Variants in TMEM51 observed in about 807,000 individuals in gnomAD.
The protein encoded by TMEM51 is transmembrane protein 51, also known as chromosome 1 open reading frame 72.
A neutral mutation model predicts 13.6 loss-of-function variants in TMEM51; 8 were observed. The ratio of observed to expected loss-of-function variants is 0.59; its 90% CI spans 0.35 to 1.07. The LOEUF (loss-of-function observed/expected upper bound fraction) is 1.07. Ranked by LOEUF, TMEM51 falls within the 50% of genes least tolerant of loss-of-function variation. The pLI is 0.02. For synonymous variants in TMEM51, 147 were observed against 144.4 expected (o/e 1.02, Z -0.13); for missense variants, 279 against 330.7 (o/e 0.84, Z 1.21).
intron 1 of TMEM51, among the ~76,000 whole-genome samples, chr1:15,158,339 G>A (rs1271268922): frequency 6.6e-6 from 1 of 152,198 alleles, no homozygotes; most frequent in Non-Finnish European, 1.5e-5. Flanking sequence ...AATTCTCTCT[G>A]AACTCTTAGA....
chr1:15,171,221 G>A (rs564648684), intron 1 of TMEM51: 1 of 1,303,774 alleles, frequency 7.7e-7, no homozygotes, highest in Non-Finnish European at 1.0e-6. Flanking sequence ...TTGGGGCCAC[G>A]CCTGGAAGAT....
At chr1:15,208,919 A>G (rs1373181785) in intron 1 of TMEM51, among the ~76,000 whole-genome samples, 1 of 152,142 alleles carries the variant, frequency 6.6e-6, no homozygotes, top group Non-Finnish European at 1.5e-5. Context: ...CTTGTTACAA[A>G]CTATTTCAGT....
At chr1:15,201,736 A>G (rs1284179176) in intron 1 of TMEM51, among the ~76,000 whole-genome samples, 1 of 152,148 alleles carries the variant, frequency 6.6e-6, no homozygotes, top group East Asian at 1.9e-4. Flanking sequence ...ATACCAAAAG[A>G]GCTCTTGGCA....
intron 3 of TMEM51, among the ~76,000 whole-genome samples, chr1:15,216,647 G>A (rs943046225): frequency 1.1e-4 from 16 of 152,160 alleles, no homozygotes; most frequent in Non-Finnish European, 7.3e-5. Context: ...TCCCACAGGT[G>A]CAAAGGAGTT....
chr1:15,163,640 T>TTTTTTTTTTTTTTG (rs1553197697), intron 1 of TMEM51, among the ~76,000 whole-genome samples: 1 of 150,362 alleles, frequency 6.7e-6, no homozygotes, highest in Non-Finnish European at 1.5e-5. Context: ...TTATTTTTTG[T>TTTTTTTTTTTTTTG]AATAATAGCA....
chr1:15,177,918 C>T (rs780265694), intron 1 of TMEM51, among the ~76,000 whole-genome samples: 3 of 152,190 alleles, frequency 2.0e-5, no homozygotes, highest in East Asian at 1.9e-4. Flanking sequence ...CTAACCCATA[C>T]GCGCTGATGA....
chr1:15,204,439 A>T (rs1447567384), intron 1 of TMEM51, among the ~76,000 whole-genome samples: 1 of 152,216 alleles, frequency 6.6e-6, no homozygotes, highest in African/African-American at 2.4e-5. Flanking sequence ...CTGTAATCCC[A>T]GCTAGTTGGG....
At chr1:15,194,699 T>A (rs1187804041) in intron 1 of TMEM51, among the ~76,000 whole-genome samples, 1 of 151,922 alleles carries the variant, frequency 6.6e-6, no homozygotes, top group Non-Finnish European at 1.5e-5. Context: ...AGGGCACCCA[T>A]CCTAACATGT....
At chr1:15,179,168 G>T (rs76658362) in intron 1 of TMEM51, among the ~76,000 whole-genome samples, 1,536 of 152,260 alleles carry the variant, frequency 0.01, 28 homozygotes, top group African/African-American at 0.035. Context: ...ACCTGGACAG[G>T]TGATTAAAAT....
At chr1:15,190,826 CG>C (rs1163695854) in intron 1 of TMEM51, among the ~76,000 whole-genome samples, 1 of 152,048 alleles carries the variant, frequency 6.6e-6, no homozygotes, top group Non-Finnish European at 1.5e-5. Context: ...CTCACTCTGT[CG>C]CCCAAGCTGG....
intron 3 of TMEM51, among the ~76,000 whole-genome samples, chr1:15,218,134 T>C (rs906748630): frequency 6.6e-6 from 1 of 152,228 alleles, no homozygotes; most frequent in African/African-American, 2.4e-5. Flanking sequence ...TTCTGACAAA[T>C]GTGTAGAAAA....
chr1:15,198,793 C>A (rs187355825), intron 1 of TMEM51, among the ~76,000 whole-genome samples: 63 of 152,340 alleles, frequency 4.1e-4, no homozygotes, highest in African/African-American at 1.4e-3. Flanking sequence ...TCTTTTCTTT[C>A]CCTCCAGCAC....
chr1:15,171,102 T>C (rs901312184), intron 1 of TMEM51: 15 of 692,828 alleles, frequency 2.2e-5, no homozygotes, highest in Non-Finnish European at 3.4e-5. Context: ...TCCCTCCTCC[T>C]CCACCCCCCG....
upstream of TMEM51, among the ~76,000 whole-genome samples, chr1:15,153,530 G>GC (rs5772620): frequency 0.78 from 118,140 of 151,846 alleles, 46,101 homozygotes; most frequent in East Asian, 0.94. Flanking sequence ...CTTAGGCCCA[G>GC]CCCCCGGCAC....
At chr1:15,216,160 C>T (rs1480576782) in intron 3 of TMEM51, among the ~76,000 whole-genome samples, 1 of 152,174 alleles carries the variant, frequency 6.6e-6, no homozygotes, top group Non-Finnish European at 1.5e-5. Context: ...GGGTGGCCAG[C>T]ATATTTGCTT....
chr1:15,167,869 G>A (rs1432557187), intron 1 of TMEM51, among the ~76,000 whole-genome samples: 2 of 152,150 alleles, frequency 1.3e-5, no homozygotes, highest in African/African-American at 4.8e-5. Flanking sequence ...ATGACAATGA[G>A]TAGTGATCGT....
chr1:15,172,230 C>T (rs1643302150), intron 1 of TMEM51, among the ~76,000 whole-genome samples: 1 of 151,356 alleles, frequency 6.6e-6, no homozygotes. Flanking sequence ...GAAAAAATAC[C>T]AAAATTAGTG....
In TMEM51 at chr1:15,161,586, G is replaced by T. The variant is rs1465247672; in HGVS notation, c.-267+7632G>T. Among the ~76,000 whole-genome samples, 2 of 152,024 alleles carry T rather than the reference G, an allele frequency of 1.3e-5. No individual in the cohort carries two copies. Among genetic ancestry groups the T allele is most frequent in the Non-Finnish European group, 1.5e-5 (1 of 68,030 alleles). ...CAGTTTCACTTCTGGGTGCATACTT[G>T]TCTTAGTCCATTTGTGTTGCTGTAA... On this transcript the variant is annotated intron_variant, in intron 1 of 3. Coordinates refer to ENST00000376008, the MANE Select transcript of TMEM51 (RefSeq NM_001136218.2). The surrounding 1 kb of genome is among the most constrained non-coding windows in gnomAD (Gnocchi z 4.0).
In TMEM51 at chr1:15,193,575, C is replaced by CTTTTTTTTTT. The variant is rs3078881; in HGVS notation, c.-266-16904_-266-16895dup. ...CATTTTCTTTTTCTTTTCTTTCTTTCTTTTTTTTTTTTTTTTTTTTGAGAC... is the reference window on the plus strand; with the variant it reads ...CATTTTCTTTTTCTTTTCTTTCTTTCTTTTTTTTTTTTTTTTTTTTTTTTTTTTTTGAGAC... On this transcript the variant is annotated intron_variant, in intron 1 of 3. Transcript: ENST00000376008. 1.3e-3 allele frequency among the ~76,000 whole-genome samples: 154 copies of CTTTTTTTTTT among 114,614 alleles called. 2 individuals carry two copies. The highest frequency in any genetic ancestry group is 3.7e-3 in the African/African-American group (104 of 28,084). The allele number at this position is 114,614 out of a possible 152,430, so 75.2% of individuals were successfully genotyped here.
Sources: gnomAD v4.1 joint callset for allele counts (sites outside exome capture counted in the v4.1 genomes callset) on GRCh38, gnomAD v4.1.1 for gene constraint, Gnocchi (gnomAD v3.1) non-coding constraint, MANE v1.5 for transcripts, NCBI Gene and HGNC (gene_info 2026-07-23, HGNC 2026-07-21) for gene names.